NELL1: variants seen among roughly 807,000 people sequenced by gnomAD.
NELL1 encodes neural EGFL like 1.
In NELL1, 76 loss-of-function variants were observed where a neutral mutation model predicts 107.4. That is an observed-to-expected ratio of 0.71 (90% confidence interval 0.59 to 0.86). The LOEUF (loss-of-function observed/expected upper bound fraction) is 0.86, where lower values mean the gene tolerates loss of function less well. Ranked by LOEUF, NELL1 falls within the 40% of genes least tolerant of loss-of-function variation. The pLI is 0.00. For synonymous variants in NELL1, 353 were observed against 341.2 expected, an observed-to-expected ratio of 1.03 and a Z score of -0.38; for missense variants, 1,024 against 1,005.5, an observed-to-expected ratio of 1.02 and a Z score of -0.25.
chr11:21,268,000 A>G (rs950043854), intron 14 of NELL1, among the ~76,000 whole-genome samples: 7 of 151,754 alleles, frequency 4.6e-5, no homozygotes, highest in African/African-American at 1.7e-4. Context: ...TCTTGTTTTT[A>G]ATCTATTTAG....
At chr11:20,932,857 G>T (rs1163658813) in intron 9 of NELL1, among the ~76,000 whole-genome samples, 1 of 152,162 alleles carries the variant, frequency 6.6e-6, no homozygotes, top group Non-Finnish European at 1.5e-5. Context: ...GAACACTATG[G>T]AAGACACAGA....
At chr11:21,380,579 G>A (rs529638552) in intron 15 of NELL1, among the ~76,000 whole-genome samples, 23 of 151,998 alleles carry the variant, frequency 1.5e-4, no homozygotes, top group African/African-American at 5.5e-4. Context: ...TGACATCTCT[G>A]CTAAAGATCC....
chr11:21,192,628 CTT>C (rs1207382650), intron 13 of NELL1, among the ~76,000 whole-genome samples: 1 of 151,758 alleles, frequency 6.6e-6, no homozygotes, highest in Non-Finnish European at 1.5e-5. Flanking sequence ...TCAGTTGACT[CTT>C]GGGCACAGTC....
intron 15 of NELL1, among the ~76,000 whole-genome samples, chr11:21,424,358 C>T (rs60595288): frequency 0.029 from 4,419 of 152,166 alleles, 225 homozygotes; most frequent in African/African-American, 0.099. Flanking sequence ...CGGTGTCTCA[C>T]GCTTGTAATA....
intron 14 of NELL1, among the ~76,000 whole-genome samples, chr11:21,317,397 A>T (rs572164089): frequency 3.2e-3 from 1 of 314 alleles, no homozygotes; most frequent in East Asian, 0.062. Context: ...GGATATATTC[A>T]TCAAGGTGGG....
chr11:21,458,716 A>G (rs1853815495), intron 15 of NELL1, among the ~76,000 whole-genome samples: 1 of 152,158 alleles, frequency 6.6e-6, no homozygotes. Context: ...AAAACTGAGC[A>G]ATGCCTCAGC....
chr11:20,960,518 A>G lies in NELL1; in HGVS notation c.1258A>G (p.Ser420Gly), dbSNP rs557827621. 6.6e-5 allele frequency: 106 copies of G among 1,614,006 alleles called. 1 individual carries two copies. In the South Asian group the frequency reaches 1.1e-3, roughly 17 times the overall value. The change falls in exon 12 of 20, where the codon AGT becomes GGT. Residue 420 changes from serine to glycine, a missense_variant. Transcript: ENST00000357134. ...WNTKATCECKSGYISVQGDSA... is the reference protein window; with the variant it reads ...WNTKATCECKGGYISVQGDSA... Reference sequence around the variant, plus strand: ...TACAAAAGCTACTTGTGAGTGCAAGAGTGGTTACATCTCTGTCCAGGGAGA... The same window carrying G: ...TACAAAAGCTACTTGTGAGTGCAAGGGTGGTTACATCTCTGTCCAGGGAGA...
intron 15 of NELL1, among the ~76,000 whole-genome samples, chr11:21,490,944 C>A (rs530871105): frequency 6.6e-6 from 1 of 152,174 alleles, no homozygotes; most frequent in Admixed American, 6.6e-5. Flanking sequence ...CAAAAATAGA[C>A]AAATGGGACT....
intron 14 of NELL1, among the ~76,000 whole-genome samples, chr11:21,368,430 C>T (rs1348217094): frequency 6.6e-6 from 1 of 151,130 alleles, no homozygotes; most frequent in Non-Finnish European, 1.5e-5. Flanking sequence ...TAAAATAAAC[C>T]TGCCTTTGTG....
chr11:20,881,524 T>C (rs964182793), intron 4 of NELL1, among the ~76,000 whole-genome samples: 6 of 152,162 alleles, frequency 3.9e-5, no homozygotes, highest in Non-Finnish European at 5.9e-5. Flanking sequence ...CACCTGAGGG[T>C]GTTGTTATGA....
At chr11:20,861,767 G>A (rs1590357280) in intron 4 of NELL1, among the ~76,000 whole-genome samples, 1 of 152,300 alleles carries the variant, frequency 6.6e-6, no homozygotes, top group East Asian at 1.9e-4. Context: ...GTAGTTTAGT[G>A]GTTCCGAGCA....
intron 2 of NELL1, among the ~76,000 whole-genome samples, chr11:20,715,580 A>G (rs936902252): frequency 2.0e-5 from 3 of 152,226 alleles, no homozygotes; most frequent in African/African-American, 4.8e-5. Context: ...GGAATAAATA[A>G]GTGCAACCTG....
intron 12 of NELL1, among the ~76,000 whole-genome samples, chr11:21,064,455 G>A (rs1853819963): frequency 6.6e-6 from 1 of 152,144 alleles, no homozygotes; most frequent in Non-Finnish European, 1.5e-5. Flanking sequence ...ATGTTTTGAA[G>A]CTAGAGCCGA....
chr11:20,920,141 T>C (rs1850346113), intron 7 of NELL1, among the ~76,000 whole-genome samples: 2 of 152,146 alleles, frequency 1.3e-5, no homozygotes, highest in African/African-American at 2.4e-5. Flanking sequence ...AATGCTGTTG[T>C]TATGATACCA....
At chr11:20,881,135 T>G (rs183944399) in intron 4 of NELL1, among the ~76,000 whole-genome samples, 1 of 152,320 alleles carries the variant, frequency 6.6e-6, no homozygotes, top group African/African-American at 2.4e-5. Context: ...TTCCTTCTGA[T>G]AAGTAAGCCT....
At chr11:21,464,575 G>GT (rs1340723934) in intron 15 of NELL1, among the ~76,000 whole-genome samples, 12 of 152,000 alleles carry the variant, frequency 7.9e-5, no homozygotes, top group African/African-American at 1.7e-4. Flanking sequence ...GGAAAAAATA[G>GT]TTTTTTTGTA....
intron 2 of NELL1, among the ~76,000 whole-genome samples, chr11:20,748,887 TCCATCCATCCATCCACCCAGCCAC>T (rs1204527139): frequency 3.4e-5 from 5 of 148,278 alleles, no homozygotes; most frequent in African/African-American, 5.2e-5. Context: ...CATCCATCCA[TCCATCCATCCATCCACCCAGCCAC>T]CCATCCATCC....
At chr11:21,210,847 C>A (rs1174369514) in intron 13 of NELL1, among the ~76,000 whole-genome samples, 2 of 152,094 alleles carry the variant, frequency 1.3e-5, no homozygotes, top group African/African-American at 4.8e-5. Context: ...CTTCCAGATC[C>A]CCAATTCAGT....
intron 14 of NELL1, among the ~76,000 whole-genome samples, chr11:21,324,799 G>A (rs918376863): frequency 4.6e-5 from 7 of 152,020 alleles, no homozygotes; most frequent in African/African-American, 1.7e-4. Flanking sequence ...AATAGGTGAG[G>A]CCCAGAAGGA....
Sources: allele counts gnomAD v4.1 joint callset (sites outside exome capture counted in the v4.1 genomes callset), GRCh38; gene constraint gnomAD v4.1.1; transcripts MANE v1.5; gene names NCBI Gene and HGNC (gene_info 2026-07-23, HGNC 2026-07-21).